Variants in CACNA1B observed in about 807,000 individuals in gnomAD.
CACNA1B encodes the protein calcium voltage-gated channel subunit alpha1 B, also known as voltage-dependent N-type calcium channel subunit alpha-1B.
In CACNA1B, 70 loss-of-function variants were observed where a neutral mutation model predicts 247.2. The observed-to-expected ratio is 0.28, with a 90% CI of 0.23 to 0.35. The LOEUF (loss-of-function observed/expected upper bound fraction) is 0.35, where lower values mean the gene tolerates loss of function less well. Ranked by LOEUF, CACNA1B falls within the 10% of genes least tolerant of loss-of-function variation. The pLI is 1.00. For missense variants in CACNA1B, 2,367 were observed against 3,197.4 expected (o/e 0.74, Z 6.26); for synonymous variants, 1,231 against 1,294.4 (o/e 0.95, Z 1.05).
rs1957102232 is a variant in CACNA1B at position 137,891,729 on chromosome 9, A to G, written c.530+8846A>G. On this transcript the variant is annotated intron_variant, in intron 3 of 46. Coordinates refer to ENST00000371372, the MANE Select transcript of CACNA1B (RefSeq NM_000718.4). The surrounding 1 kb of genome is among the most constrained non-coding windows in gnomAD (Gnocchi z 4.3). ...CCTGGACTAGAAGAGGTGAGAAGGCAGGTGCTGGCTGTGGGGCTGTAGAGT... is the reference window on the plus strand; with the variant it reads ...CCTGGACTAGAAGAGGTGAGAAGGCGGGTGCTGGCTGTGGGGCTGTAGAGT... 1 of 282,942 alleles carries G rather than the reference A, an allele frequency of 3.5e-6. No homozygotes were observed. Among genetic ancestry groups the G allele is most frequent in the South Asian group, 3.5e-5 (1 of 28,768 alleles). 17.5% of individuals were successfully genotyped at this position (282,942 alleles called of 1,614,324 possible).
At chr9:138,077,970 A>AGTTTC (rs1960384768) in intron 35 of CACNA1B, 144 bp from the exon 36 acceptor site, 1 of 628,936 alleles carries the variant, frequency 1.6e-6, no homozygotes, top group African/African-American at 1.8e-5. Flanking sequence ...CCTTTGAAGA[A>AGTTTC]ACAGCATCTG....
intron 21 of CACNA1B, among the ~76,000 whole-genome samples, chr9:138,045,061 A>T (rs1959170704): frequency 6.6e-6 from 1 of 152,214 alleles, no homozygotes; most frequent in Non-Finnish European, 1.5e-5. Context: ...GGTGGAAGTG[A>T]CATCTTGGTT....
chr9:138,008,633 G>T (rs1958684801), intron 16 of CACNA1B, among the ~76,000 whole-genome samples: 1 of 152,258 alleles, frequency 6.6e-6, no homozygotes, highest in South Asian at 2.1e-4. Flanking sequence ...TACAGAGCCA[G>T]CTGCTATTCG....
intron 10 of CACNA1B, among the ~76,000 whole-genome samples, chr9:137,960,168 G>C (rs1464124806): frequency 7.1e-6 from 1 of 141,144 alleles, no homozygotes; most frequent in Non-Finnish European, 1.6e-5. Flanking sequence ...AGGAACGTGT[G>C]TGGCGGGGAG....
chr9:138,088,959 C>CAAA (rs56112600), intron 36 of CACNA1B, among the ~76,000 whole-genome samples: 852 of 61,174 alleles, frequency 0.014, 30 homozygotes, highest in Non-Finnish European at 0.018. Flanking sequence ...AACTCCGTCT[C>CAAA]AAAAAAAAAA....
intron 20 of CACNA1B, among the ~76,000 whole-genome samples, chr9:138,038,458 C>T (rs1959074053): frequency 6.6e-6 from 1 of 152,224 alleles, no homozygotes; most frequent in Non-Finnish European, 1.5e-5. Flanking sequence ...GCCTTTGCCT[C>T]CAGGGGCTTC....
intron 3 of CACNA1B, among the ~76,000 whole-genome samples, chr9:137,912,132 A>T (rs1440918340): frequency 2.0e-5 from 3 of 152,236 alleles, no homozygotes; most frequent in African/African-American, 7.2e-5. Flanking sequence ...TGGAACTGTT[A>T]AAAAGGCAGT....
At chr9:138,113,241 A>G (rs1293766338) in intron 40 of CACNA1B, among the ~76,000 whole-genome samples, 3 of 136,602 alleles carry the variant, frequency 2.2e-5, no homozygotes, top group African/African-American at 5.6e-5. Context: ...GAGGTGCCCA[A>G]CTCCACTGGG....
chr9:138,114,595 AGTATC>A (rs1961789467), intron 41 of CACNA1B, 105 bp downstream of exon 41: 1 of 628,838 alleles, frequency 1.6e-6, no homozygotes, highest in African/African-American at 1.8e-5. Flanking sequence ...TCTTGGAAAA[AGTATC>A]TCAGAAGGAA....
At chr9:137,886,771 C>T (rs1322499903) in intron 3 of CACNA1B, among the ~76,000 whole-genome samples, 2 of 151,964 alleles carry the variant, frequency 1.3e-5, no homozygotes, top group African/African-American at 2.4e-5. Context: ...AGAGAGCAGT[C>T]GGCAGGTGGA....
intron 32 of CACNA1B, among the ~76,000 whole-genome samples, chr9:138,070,979 C>T (rs1010776384): frequency 1.3e-5 from 2 of 152,240 alleles, no homozygotes; most frequent in Non-Finnish European, 2.9e-5. Flanking sequence ...AGCTGACACT[C>T]GGGACAAGCC....
At position 137,885,336 on chromosome 9, in the gene CACNA1B, G is replaced by A. The variant is rs190780009; in HGVS notation, c.530+2453G>A. ...ACCCCTGTGTGCGTATCTGTGTGTG[G>A]AGGGGGCTGGGTCTGCTGTGCGGCG... On this transcript the variant is annotated intron_variant, in intron 3 of 46. Transcript: ENST00000371372. 7.7e-3 allele frequency among the ~76,000 whole-genome samples: 1,172 copies of A among 152,336 alleles called. 15 individuals carry two copies. The highest frequency in any genetic ancestry group is 0.027 in the African/African-American group (1,131 of 41,558).
chr9:137,996,762 TAC>T (rs1487428074), intron 15 of CACNA1B, among the ~76,000 whole-genome samples: 1 of 152,232 alleles, frequency 6.6e-6, no homozygotes, highest in Non-Finnish European at 1.5e-5. Context: ...TCCAATTTTA[TAC>T]AGACTCCTCC....
chr9:137,968,475 C>T (rs1471107449), intron 10 of CACNA1B, among the ~76,000 whole-genome samples: 1 of 152,234 alleles, frequency 6.6e-6, no homozygotes, highest in Non-Finnish European at 1.5e-5. Context: ...AATCTCCAGG[C>T]TGCGTGATGT....
chr9:138,058,135 T>G lies in CACNA1B; in HGVS notation c.4193T>G (p.Val1398Gly). Residue 1398 changes from valine (V) to glycine (G), a missense_variant, in exon 28 of 47, where the codon GTC becomes GGC. Transcript: ENST00000371372. The surrounding 1 kb of genome is among the most constrained non-coding windows in gnomAD (Gnocchi z 4.7). ...ATGGAGCTGTCCATCTTCTACGTGG[T>G]CTACTTTGTGGTCTTTCCCTTCTTC... ...YRMELSIFYV[V>G]YFVVFPFFFV... 1.2e-6 allele frequency: 2 copies of G among 1,613,906 alleles called. No individual in the cohort carries two copies. Among genetic ancestry groups the G allele is most frequent in the Non-Finnish European group, 1.7e-6 (2 of 1,179,770 alleles).
chr9:137,879,704 C>T (rs1215804244), intron 2 of CACNA1B, among the ~76,000 whole-genome samples: 1 of 152,182 alleles, frequency 6.6e-6, no homozygotes, highest in Non-Finnish European at 1.5e-5. Flanking sequence ...CAGATTCCAG[C>T]CAAGAGGCCC....
intron 3 of CACNA1B, among the ~76,000 whole-genome samples, chr9:137,904,870 A>G (rs1003357847): frequency 2.0e-5 from 3 of 152,178 alleles, no homozygotes; most frequent in Admixed American, 6.5e-5. Flanking sequence ...TCTTAAAACA[A>G]CATTAAATGA....
chr9:138,052,324 C>G lies in CACNA1B; in HGVS notation c.3807+136C>G. On this transcript the variant is annotated intron_variant, in intron 25 of 46. Coordinates refer to ENST00000371372, the MANE Select transcript of CACNA1B (RefSeq NM_000718.4). The surrounding 1 kb of genome is among the most constrained non-coding windows in gnomAD (Gnocchi z 5.1). ...CACACCCCTGTGTGAGGGGGTTGGG[C>G]TCACTCAGCTGTAAGCCCCCATTAC... 1.7e-6 allele frequency: 1 copy of G among 600,258 alleles called. No individual in the cohort carries two copies. The highest frequency in any genetic ancestry group is 3.0e-5 in the East Asian group (1 of 33,492). 37.2% of individuals were successfully genotyped at this position (600,258 alleles called of 1,614,324 possible).
intron 40 of CACNA1B, among the ~76,000 whole-genome samples, chr9:138,113,144 GA>G (rs1424764296): frequency 6.8e-6 from 1 of 147,486 alleles, no homozygotes; most frequent in East Asian, 2.1e-4. Context: ...GGAGCACGGG[GA>G]GGTGCCCAAC....
Sources: gnomAD v4.1 joint callset for allele counts (sites outside exome capture counted in the v4.1 genomes callset) on GRCh38, gnomAD v4.1.1 for gene constraint, Gnocchi (gnomAD v3.1) non-coding constraint, MANE v1.5 for transcripts, NCBI Gene and HGNC (gene_info 2026-07-23, HGNC 2026-07-21) for gene names.